EYA1: variants seen among roughly 807,000 people sequenced by gnomAD.
The protein encoded by EYA1 is protein phosphatase EYA1.
In EYA1, 16 loss-of-function variants were observed where a neutral mutation model predicts 82.0. That is an observed-to-expected ratio of 0.20 (90% CI 0.13 to 0.30). The LOEUF is 0.30. Ranked by LOEUF, EYA1 falls within the 10% of genes least tolerant of loss-of-function variation. EYA1 has a pLI of 1.00. For missense variants in EYA1, 633 were observed against 730.7 expected, an observed-to-expected ratio of 0.87 and a Z score of 1.54; for synonymous variants, 261 against 264.4, an observed-to-expected ratio of 0.99 and a Z score of 0.12.
At chr8:71,321,492 C>T (rs558515186) in intron 6 of EYA1, among the ~76,000 whole-genome samples, 18 of 152,240 alleles carry the variant, frequency 1.2e-4, no homozygotes, top group Non-Finnish European at 1.6e-4. Flanking sequence ...AGATGTAAAT[C>T]GAGAAAAATG....
chr8:71,486,275 C>G (rs1810563738), intron 2 of EYA1, among the ~76,000 whole-genome samples: 1 of 152,072 alleles, frequency 6.6e-6, no homozygotes, highest in South Asian at 2.1e-4. Context: ...AGGAATTTTC[C>G]CTTGGGTTGG....
chr8:71,537,092 G>T (rs1369072496), intron 1 of EYA1, among the ~76,000 whole-genome samples: 1 of 152,140 alleles, frequency 6.6e-6, no homozygotes, highest in Non-Finnish European at 1.5e-5. Context: ...TAGGAGAATT[G>T]TCACTTGTTT....
intron 11 of EYA1, among the ~76,000 whole-genome samples, chr8:71,262,353 TTC>T (rs1298502635): frequency 2.6e-5 from 4 of 152,224 alleles, no homozygotes; most frequent in Admixed American, 2.0e-4. Context: ...CCACTTGTAA[TTC>T]TCTGTTTCCC....
chr8:71,495,547 G>C (rs554817888), intron 2 of EYA1, among the ~76,000 whole-genome samples: 2 of 152,274 alleles, frequency 1.3e-5, no homozygotes, highest in South Asian at 4.2e-4. Flanking sequence ...GAGAGATAAA[G>C]GTTGCAGTGA....
At chr8:71,443,058 A>G (rs1372503135) in intron 2 of EYA1, among the ~76,000 whole-genome samples, 1 of 152,244 alleles carries the variant, frequency 6.6e-6, no homozygotes, top group Non-Finnish European at 1.5e-5. Flanking sequence ...TACTTATAGC[A>G]GAATCTGCAA....
intron 11 of EYA1, 48 bp downstream of exon 11, chr8:71,269,692 G>T: frequency 7.8e-7 from 1 of 1,281,616 alleles, no homozygotes; most frequent in Non-Finnish European, 1.1e-6. Flanking sequence ...CAAATTAGAG[G>T]TATATTTACT....
At chr8:71,286,554 T>A (rs978257364) in intron 9 of EYA1, among the ~76,000 whole-genome samples, 9 of 152,162 alleles carry the variant, frequency 5.9e-5, no homozygotes, top group African/African-American at 2.2e-4. Context: ...ATTGCTTGGT[T>A]GAGTGGGGGG....
chr8:71,353,635 TTA>T (rs1826533546), intron 3 of EYA1, among the ~76,000 whole-genome samples: 1 of 152,250 alleles, frequency 6.6e-6, no homozygotes, highest in Non-Finnish European at 1.5e-5. Context: ...ACAACTGATT[TTA>T]TATCTTTCCT....
intron 2 of EYA1, among the ~76,000 whole-genome samples, chr8:71,498,068 G>A (rs988947903): frequency 6.6e-6 from 1 of 151,790 alleles, no homozygotes; most frequent in African/African-American, 2.4e-5. Context: ...GGAGGTTGCT[G>A]GGGGGATGTT....
chr8:71,413,181 T>C (rs1830696425), intron 2 of EYA1, among the ~76,000 whole-genome samples: 1 of 152,168 alleles, frequency 6.6e-6, no homozygotes. Flanking sequence ...CCAGAAAGAT[T>C]ATCTTTAAAA....
intron 2 of EYA1, among the ~76,000 whole-genome samples, chr8:71,456,929 G>T (rs890710599): frequency 6.6e-6 from 1 of 152,130 alleles, no homozygotes; most frequent in Non-Finnish European, 1.5e-5. Context: ...TTAAACTAAA[G>T]AGCTTCTGCA....
chr8:71,235,452 T>C (rs1811710751), intron 12 of EYA1, among the ~76,000 whole-genome samples: 3 of 152,134 alleles, frequency 2.0e-5, no homozygotes. Context: ...TTGCAGTTGC[T>C]TCCCTCCCAG....
intron 3 of EYA1, among the ~76,000 whole-genome samples, chr8:71,353,335 T>C (rs1826495533): frequency 6.6e-6 from 1 of 152,210 alleles, no homozygotes; most frequent in Non-Finnish European, 1.5e-5. Context: ...ACTGCTTGCT[T>C]TAATTTTATT....
chr8:71,523,729 T>G (rs781049533), intron 2 of EYA1, among the ~76,000 whole-genome samples: 1 of 152,206 alleles, frequency 6.6e-6, no homozygotes, highest in Non-Finnish European at 1.5e-5. Flanking sequence ...ATAGATCATA[T>G]GTTCATTTGA....
intron 9 of EYA1, among the ~76,000 whole-genome samples, chr8:71,278,042 CCT>C (rs1010072056): frequency 1.6e-4 from 25 of 152,226 alleles, no homozygotes; most frequent in African/African-American, 6.0e-4. Context: ...ATTTAGTTCC[CCT>C]GAGCTAGTAA....
intron 2 of EYA1, among the ~76,000 whole-genome samples, chr8:71,380,019 G>A (rs765573782): frequency 1.3e-5 from 2 of 152,066 alleles, no homozygotes; most frequent in Admixed American, 6.6e-5. Context: ...ATCAGCACCC[G>A]GCACCTGCCG....
chr8:71,441,943 G>A (rs1272154685), intron 2 of EYA1, among the ~76,000 whole-genome samples: 1 of 152,144 alleles, frequency 6.6e-6, no homozygotes, highest in Non-Finnish European at 1.5e-5. Context: ...GGCCATGGGA[G>A]GATACAGTGA....
chr8:71,331,992 C>T (rs1467979343), intron 4 of EYA1, among the ~76,000 whole-genome samples: 1 of 152,014 alleles, frequency 6.6e-6, no homozygotes, highest in East Asian at 1.9e-4. Flanking sequence ...GGACCACAGG[C>T]GCATGCCACC....
chr8:71,204,951 A>T (rs1176926547), intron 17 of EYA1, among the ~76,000 whole-genome samples: 4 of 152,196 alleles, frequency 2.6e-5, no homozygotes. Context: ...TGAATTTATG[A>T]CTTTACAAAA....
Sources: gnomAD v4.1 joint callset for allele counts (sites outside exome capture counted in the v4.1 genomes callset) on GRCh38, gnomAD v4.1.1 for gene constraint, MANE v1.5 for transcripts, NCBI Gene and HGNC (gene_info 2026-07-23, HGNC 2026-07-21) for gene names.